The following ZNF707 variants were observed in gnomAD, a reference collection of about 807,000 sequenced individuals.
The protein encoded by ZNF707 is zinc finger protein 707.
ZNF707 carries 8 observed loss-of-function variants against 13.3 expected under a neutral mutation model. The ratio of observed to expected loss-of-function variants is 0.60; its 90% CI spans 0.35 to 1.09. The LOEUF is 1.09. ZNF707 is among the 50% of genes least tolerant of loss of function. The probability of loss-of-function intolerance (pLI) is 0.02; values close to 1 mark genes in which losing one functional copy is unlikely to be tolerated. For synonymous variants in ZNF707, 225 were observed against 205.6 expected, an observed-to-expected ratio of 1.09 and a Z score of -0.81; for missense variants, 530 against 512.6, an observed-to-expected ratio of 1.03 and a Z score of -0.33.
chr8:143,690,034 G>A (rs1554613074), intron 2 of ZNF707, 23 bp from the exon 3 acceptor site: 20 of 1,598,918 alleles, frequency 1.3e-5, no homozygotes, highest in Admixed American at 1.7e-5. Context: ...GGCTATACCC[G>A]CTTACATTTC....
rs1554614498 is a variant in ZNF707 at position 143,694,006 on chromosome 8, C to T, written c.592C>T (p.His198Tyr). 6.2e-7 allele frequency: 1 copy of T among 1,604,606 alleles called. No homozygotes were observed. ...CCGGCTGCTCGCTCACCAGACGGTG[C>T]ACACGGGAACCAAGGCCTTCGAGTG... is the stretch of plus-strand genomic sequence containing the variant. ...HSRLLAHQTV[H>Y]TGTKAFECPE... The change falls in exon 6 of 6, where the codon CAC becomes TAC. Residue 198 changes from histidine to tyrosine, a missense_variant. By Grantham distance (83) the His-to-Tyr change is moderately conservative. Coordinates refer to ENST00000358656, the MANE Select transcript of ZNF707 (RefSeq NM_001100598.2). This position sits in a 1 kb window ranked among gnomAD's most constrained non-coding sequence, Gnocchi z 4.4.
Position 143,693,768 on chromosome 8 carries a change from C to G in ZNF707, c.354C>G (p.Ser118Arg). The stretch of plus-strand genomic sequence containing the variant: ...GGCGAGAAAGAGCCAGGGAAGGAAG[C>G]AGCTTTAGGAAGGGCTTCAGGCTGG... The part of the protein sequence containing the change: ...HVRRERAREG[S>R]SFRKGFRLDT... The change falls in exon 6 of 6, where the codon AGC becomes AGG. Residue 118 changes from serine (S) to arginine (R), a missense_variant. Ser to Arg is a moderately radical substitution (Grantham distance 110). Coordinates refer to ENST00000358656, the MANE Select transcript of ZNF707 (RefSeq NM_001100598.2). This position sits in a 1 kb window ranked among gnomAD's most constrained non-coding sequence, Gnocchi z 4.1. 18 of 1,613,148 alleles carry G rather than the reference C, an allele frequency of 1.1e-5. No individual in the cohort carries two copies. Among genetic ancestry groups the G allele is most frequent in the Non-Finnish European group, 1.5e-5 (18 of 1,179,852 alleles).
At chr8:143,691,397 C>A (rs1271283052) in intron 4 of ZNF707, 198 bp downstream of exon 4, 1 of 1,107,284 alleles carries the variant, frequency 9.0e-7, no homozygotes, top group African/African-American at 1.6e-5. Context: ...GCCTCATCTT[C>A]CTTCCTCTGA....
chr8:143,694,148 A>G lies in ZNF707; in HGVS notation c.734A>G (p.Asp245Gly), dbSNP rs782812726. 7.5e-6 allele frequency: 12 copies of G among 1,589,916 alleles called. No individual in the cohort carries two copies. Among genetic ancestry groups the G allele is most frequent in the Non-Finnish European group, 1.0e-5 (12 of 1,167,830 alleles). Residue 245 changes from aspartate (D) to glycine (G), a missense_variant, in exon 6 of 6, where the codon GAC becomes GGC. By Grantham distance (94) the Asp-to-Gly change is moderately conservative (BLOSUM62 -1). Coordinates refer to ENST00000358656, the MANE Select transcript of ZNF707 (RefSeq NM_001100598.2). This position sits in a 1 kb window ranked among gnomAD's most constrained non-coding sequence, Gnocchi z 4.4. The stretch of plus-strand genomic sequence containing the variant: ...TGCGGGCAGGCGTTCAGCCTGAAGG[A>G]CCGCCTGGCTCAGCACCGCAAGGTC... ...EACGQAFSLKDRLAQHRKVHT... is the reference protein window; with the variant it reads ...EACGQAFSLKGRLAQHRKVHT...
At chr8:143,689,433 G>C (rs1354180952) in intron 2 of ZNF707, 132 bp downstream of exon 2, 1 of 152,518 alleles carries the variant, frequency 6.6e-6, no homozygotes, top group Non-Finnish European at 1.5e-5. Context: ...TGTGGCAGGA[G>C]GGCAGTGGGA....
chr8:143,691,546 CCTCA>C, intron 4 of ZNF707, 50 bp from the exon 5 acceptor site: 2 of 1,525,132 alleles, frequency 1.3e-6, no homozygotes, highest in Non-Finnish European at 1.8e-6. Context: ...GAGCCTCGAC[CCTCA>C]CTTTGTCCTC....
At position 143,694,362 on chromosome 8, in the gene ZNF707, C is replaced by CG. The variant is rs1554614734; in HGVS notation, c.948_949insG (p.Thr317AspfsTer145). Reference sequence around the variant, plus strand: ...GGGTCCACAGCGGGGAGAAGCCCTACACCTGTGCCGAGTGCGGCAAGTCCT... The same window carrying CG: ...GGGTCCACAGCGGGGAGAAGCCCTACGACCTGTGCCGAGTGCGGCAAGTCCT... On this transcript the variant is annotated frameshift_variant, in exon 6 of 6. Transcript: ENST00000358656. LOFTEE classifies it low-confidence loss of function (END_TRUNC). The surrounding 1 kb of genome is among the most constrained non-coding windows in gnomAD (Gnocchi z 4.4). The CG allele has an allele frequency of 2.0e-5, 33 of 1,611,846 alleles. No individual in the cohort carries two copies. The highest frequency in any genetic ancestry group is 3.3e-5 in the Admixed American group (2 of 59,906).
chr8:143,689,706 C>T lies in ZNF707; in HGVS notation c.-52-351C>T, dbSNP rs764778969. On this transcript the variant is annotated intron_variant, in intron 2 of 5. Transcript: ENST00000358656. ...GGAGGAGCCTCCGCTGCCTCAGTTGCGGTTAGACTCTCCAGTCATGTGTTT... is the reference window on the plus strand; with the variant it reads ...GGAGGAGCCTCCGCTGCCTCAGTTGTGGTTAGACTCTCCAGTCATGTGTTT... Among the ~76,000 whole-genome samples the T allele has an allele frequency of 2.0e-5, 3 of 152,184 alleles. No homozygotes were observed. The East Asian group carries it at 5.8e-4, about 29-fold the overall frequency.
rs11992203 is a variant in ZNF707 at position 143,695,119 on chromosome 8, C to G, written c.*589C>G. 7,559 of 152,676 alleles carry G rather than the reference C, an allele frequency of 0.05. 359 individuals carry two copies. Among genetic ancestry groups the G allele is most frequent in the African/African-American group, 0.12 (5,105 of 41,548 alleles). The allele number at this position is 152,676 out of a possible 1,614,324, so 9.5% of individuals were successfully genotyped here. ...AGTGGTGGTTAGGTCAGGGCCACCC[C>G]CAGTGCTGCAGGAACGGCCTCCACC... is the stretch of plus-strand genomic sequence containing the variant. On this transcript the variant is annotated 3_prime_UTR_variant, in exon 6 of 6. Coordinates refer to ENST00000358656, the MANE Select transcript of ZNF707 (RefSeq NM_001100598.2).
At chr8:143,690,852 C>T (rs782056550) in intron 3 of ZNF707, 29 of 620,826 alleles carry the variant, frequency 4.7e-5, no homozygotes, top group Non-Finnish European at 6.8e-5. Context: ...GTCCATGGGT[C>T]AGGGCCCCTC....
At chr8:143,690,821 G>A (rs1816739122) in intron 3 of ZNF707, 1 of 528,242 alleles carries the variant, frequency 1.9e-6, no homozygotes. Flanking sequence ...GGGGCTCTCT[G>A]GAGTCTCCTG....
chr8:143,690,057 A>G lies in ZNF707; in HGVS notation c.-52A>G. The G allele has an allele frequency of 1.9e-6, 3 of 1,608,506 alleles. No homozygotes were observed. The highest frequency in any genetic ancestry group is 2.5e-6 in the Non-Finnish European group (3 of 1,179,576). ...CCGCTTACATTTCTTGTCTCCCCAG[A>G]TCTGCCCTCCTTGGCACTGTGCTTC... is the stretch of plus-strand genomic sequence containing the variant. On this transcript the variant is annotated splice_region_variant and 5_prime_UTR_variant, in exon 3 of 6. Transcript: ENST00000358656.
In ZNF707 at chr8:143,695,008, A is replaced by G. The variant is rs1323366353; in HGVS notation, c.*478A>G. On this transcript the variant is annotated 3_prime_UTR_variant, in exon 6 of 6. Coordinates refer to ENST00000358656, the MANE Select transcript of ZNF707 (RefSeq NM_001100598.2). ...TGGGCGAGGCAGCTGTGAGCATTGC[A>G]CAGAGGCAAAGACCCTCCTGCAGCC... The G allele has an allele frequency of 6.1e-6, 1 of 162,948 alleles. No homozygotes were observed. The highest frequency in any genetic ancestry group is 1.3e-5 in the Non-Finnish European group (1 of 75,238). The allele number at this position is 162,948 out of a possible 1,614,324, so 10.1% of individuals were successfully genotyped here.
In ZNF707 at chr8:143,694,898, C is replaced by T. The variant is rs1474977157; in HGVS notation, c.*368C>T. 4 of 229,958 alleles carry T rather than the reference C, an allele frequency of 1.7e-5. No homozygotes were observed. Among genetic ancestry groups the T allele is most frequent in the Middle Eastern group, 1.5e-3 (1 of 664 alleles). 14.2% of individuals were successfully genotyped at this position (229,958 alleles called of 1,614,324 possible). A position where few individuals can be genotyped will look rare whatever the true frequency, so the allele number is the denominator to read the frequency against. On this transcript the variant is annotated 3_prime_UTR_variant, in exon 6 of 6. Transcript: ENST00000358656. The surrounding 1 kb of genome is among the most constrained non-coding windows in gnomAD (Gnocchi z 4.4). ...TGGCTCAGGGACTCCACCCTGGCCC[C>T]GAGTCGCCGTCTGCTGGGCCTTTCC...
In ZNF707 at chr8:143,693,432, C is replaced by T. The variant is rs927453915; in HGVS notation, c.257-239C>T. Among the ~76,000 whole-genome samples, 27 of 151,560 alleles carry T rather than the reference C, an allele frequency of 1.8e-4. No homozygotes were observed. The highest frequency in any genetic ancestry group is 5.1e-4 in the African/African-American group (21 of 41,390). On this transcript the variant is annotated intron_variant, in intron 5 of 5. Transcript: ENST00000358656. This position sits in a 1 kb window ranked among gnomAD's most constrained non-coding sequence, Gnocchi z 4.1. The stretch of plus-strand genomic sequence containing the variant: ...CCTCCCGAGTAGCTGGGACCACAGG[C>T]GCCCGCCACTGCGCCCGGCTAATTT...
intron 3 of ZNF707, 98 bp downstream of exon 3, chr8:143,690,221 C>T (rs1816679415): frequency 6.8e-7 from 1 of 1,481,410 alleles, no homozygotes; most frequent in African/African-American, 1.4e-5. Flanking sequence ...AGTGGCTTCC[C>T]AGGCACTGTG....
intron 5 of ZNF707, chr8:143,692,102 C>G (rs1554613825): frequency 7.5e-7 from 1 of 1,330,974 alleles, no homozygotes; most frequent in Non-Finnish European, 9.8e-7. Flanking sequence ...ACGTGAGGGT[C>G]TCCAGGTATG....
rs1817201973 is a variant in ZNF707 at position 143,694,886 on chromosome 8, C to T, written c.*356C>T. The T allele has an allele frequency of 4.1e-6, 1 of 243,898 alleles. No homozygotes were observed. 15.1% of individuals were successfully genotyped at this position (243,898 alleles called of 1,614,324 possible). On this transcript the variant is annotated 3_prime_UTR_variant, in exon 6 of 6. Coordinates refer to ENST00000358656, the MANE Select transcript of ZNF707 (RefSeq NM_001100598.2). The surrounding 1 kb of genome is among the most constrained non-coding windows in gnomAD (Gnocchi z 4.4). ...CCCACAGCCGTCTGGCTCAGGGACT[C>T]CACCCTGGCCCCGAGTCGCCGTCTG...
At chr8:143,689,979 A>T in intron 2 of ZNF707, 78 bp from the exon 3 acceptor site, 1 of 1,092,248 alleles carries the variant, frequency 9.2e-7, no homozygotes, top group Non-Finnish European at 1.3e-6. Context: ...TGATTTGCTG[A>T]GTGGGGGGGC....
Sources: gnomAD v4.1 joint callset for allele counts (sites outside exome capture counted in the v4.1 genomes callset) on GRCh38, gnomAD v4.1.1 for gene constraint, Gnocchi (gnomAD v3.1) non-coding constraint, MANE v1.5 for transcripts, NCBI Gene and HGNC (gene_info 2026-07-23, HGNC 2026-07-21) for gene names.